The following CHD5 variants were observed in gnomAD, a reference collection of about 807,000 sequenced individuals.
The protein encoded by CHD5 is ATP-dependent chromatin remodeler CHD5.
CHD5 carries 69 observed loss-of-function variants against 230.3 expected under a neutral mutation model. The ratio of observed to expected loss-of-function variants is 0.30; its 90% confidence interval spans 0.25 to 0.37. CHD5 has a LOEUF of 0.37. CHD5 is among the 10% of genes least tolerant of loss of function. The pLI is 1.00. For missense variants in CHD5, 1,827 were observed against 2,622.8 expected, an observed-to-expected ratio of 0.70 and a Z score of 6.63; for synonymous variants, 1,064 against 1,065.9, an observed-to-expected ratio of 1.00 and a Z score of 0.03.
At position 6,128,987 on chromosome 1, in the gene CHD5, C is replaced by T; in HGVS notation, c.3470G>A (p.Arg1157His). 6.2e-7 allele frequency: 1 copy of T among 1,612,046 alleles called. No individual in the cohort carries two copies. The highest frequency in any genetic ancestry group is 8.5e-7 in the Non-Finnish European group (1 of 1,179,946). The change falls in exon 23 of 42, where the codon CGC (arginine) becomes CAC (histidine). Residue 1157 changes from arginine to histidine, a missense_variant. Arg to His is a conservative substitution (Grantham distance 29, BLOSUM62 0). Transcript: ENST00000262450. The surrounding 1 kb of genome is among the most constrained non-coding windows in gnomAD (Gnocchi z 7.8). ...CTTGCGCTTGGCCACCTGCGTGATG[C>T]GCTCCTCCACCGAGGCCCGAGTCAC... The part of the protein sequence containing the change: ...RFVTRASVEE[R>H]ITQVAKRKMM...
chr1:6,142,034 G>C lies in CHD5; in HGVS notation c.2436+94C>G, dbSNP rs1209753320. 8.6e-7 allele frequency: 1 copy of C among 1,157,278 alleles called. No homozygotes were observed. The highest frequency in any genetic ancestry group is 1.3e-6 in the Non-Finnish European group (1 of 782,956). The allele number at this position is 1,157,278 out of a possible 1,614,324, so 71.7% of individuals were successfully genotyped here. On this transcript the variant is annotated intron_variant, in intron 15 of 41. Coordinates refer to ENST00000262450, the MANE Select transcript of CHD5 (RefSeq NM_015557.3). This position sits in a 1 kb window ranked among gnomAD's most constrained non-coding sequence, Gnocchi z 5.2. ...CCTGCCGGCCTCGGTAGCCCTCCCA[G>C]GCTGAGGGACCCCAAAGGAGTGCAC...
intron 3 of CHD5, among the ~76,000 whole-genome samples, chr1:6,159,105 C>T (rs1363470773): frequency 4.1e-5 from 6 of 148,084 alleles, no homozygotes; most frequent in Non-Finnish European, 8.9e-5. Context: ...CGTGGTGGCA[C>T]GCACCTGTAG....
intron 9 of CHD5, among the ~76,000 whole-genome samples, chr1:6,147,997 C>T (rs927519534): frequency 1.3e-5 from 2 of 151,676 alleles, no homozygotes; most frequent in Non-Finnish European, 2.9e-5. Context: ...ACTCCTGCCC[C>T]CCTCCCATCC....
chr1:6,141,763 C>T (rs1230819930), intron 15 of CHD5, among the ~76,000 whole-genome samples: 2 of 152,138 alleles, frequency 1.3e-5, no homozygotes, highest in Non-Finnish European at 2.9e-5. Context: ...GAAACTGACG[C>T]GACAGCTGTA....
At chr1:6,175,864 C>A (rs1239043550) in intron 1 of CHD5, among the ~76,000 whole-genome samples, 1 of 150,492 alleles carries the variant, frequency 6.6e-6, no homozygotes, top group Non-Finnish European at 1.5e-5. Flanking sequence ...GAAGCATGGA[C>A]GAATAGTGCA....
intron 2 of CHD5, among the ~76,000 whole-genome samples, chr1:6,166,401 C>T (rs1667255391): frequency 6.6e-6 from 1 of 151,782 alleles, no homozygotes; most frequent in Non-Finnish European, 1.5e-5. Context: ...TGCAGAAGCC[C>T]CACAAGGCAG....
intron 1 of CHD5, among the ~76,000 whole-genome samples, chr1:6,179,164 G>A (rs1270039878): frequency 6.6e-6 from 1 of 152,236 alleles, no homozygotes; most frequent in African/African-American, 2.4e-5. Context: ...GGAGAGAGAT[G>A]GTAGGGGCAG....
At chr1:6,143,775 G>A (rs1395124822) in intron 13 of CHD5, 48 bp downstream of exon 13, 2 of 1,532,512 alleles carry the variant, frequency 1.3e-6, no homozygotes, top group East Asian at 2.2e-5. Flanking sequence ...TCTGAGGTGG[G>A]CAGGCCCTGG....
At position 6,179,930 on chromosome 1, in the gene CHD5, C is replaced by G. The variant is rs1334113661; in HGVS notation, c.79+15G>C. On this transcript the variant is annotated intron_variant, in intron 1 of 41. Coordinates refer to ENST00000262450, the MANE Select transcript of CHD5 (RefSeq NM_015557.3). ...CCCGCCGCTCTGGCCCCAGGCGCAC[C>G]CGCGCCCCGCTCACCTGACATCTCG... 2 of 1,298,466 alleles carry G rather than the reference C, an allele frequency of 1.5e-6. No individual in the cohort carries two copies. Among genetic ancestry groups the G allele is most frequent in the South Asian group, 2.8e-5 (2 of 71,182 alleles). The allele number at this position is 1,298,466 out of a possible 1,614,324, so 80.4% of individuals were successfully genotyped here. A position where few individuals can be genotyped will look rare whatever the true frequency, so the allele number is the denominator to read the frequency against.
chr1:6,151,250 C>T, intron 6 of CHD5, 95 bp from the exon 7 acceptor site: 1 of 1,379,292 alleles, frequency 7.3e-7, no homozygotes, highest in Non-Finnish European at 9.6e-7. Context: ...ACGGAAGAGG[C>T]TCTGGAGACA....
intron 2 of CHD5, 50 bp from the exon 3 acceptor site, chr1:6,159,565 A>C (rs1667134983): frequency 6.5e-7 from 1 of 1,540,396 alleles, no homozygotes; most frequent in South Asian, 1.2e-5. Flanking sequence ...AGGAACATCC[A>C]GAGTCCTGGG....
chr1:6,117,822 C>G (rs1030380813), intron 33 of CHD5, among the ~76,000 whole-genome samples: 2 of 152,152 alleles, frequency 1.3e-5, no homozygotes, highest in Non-Finnish European at 2.9e-5. Context: ...AACTGGAACC[C>G]TCACACATGC....
intron 2 of CHD5, among the ~76,000 whole-genome samples, chr1:6,163,937 G>A (rs1024851285): frequency 6.6e-6 from 1 of 152,204 alleles, no homozygotes; most frequent in East Asian, 1.9e-4. Context: ...AATCTTAGTG[G>A]ATGTGGAGTC....
At chr1:6,119,564 T>G (rs1165620858) in intron 33 of CHD5, among the ~76,000 whole-genome samples, 1 of 152,138 alleles carries the variant, frequency 6.6e-6, no homozygotes, top group Non-Finnish European at 1.5e-5. Context: ...AGAAAGAGAT[T>G]AATCCATAAT....
At chr1:6,113,415 C>T (rs1356779186) in intron 33 of CHD5, 4 of 347,170 alleles carry the variant, frequency 1.2e-5, no homozygotes, top group Non-Finnish European at 1.7e-5. Context: ...CAGAGCAAGA[C>T]GCTGTTTCAA....
rs773676884 is a variant in CHD5 at position 6,136,793 on chromosome 1, C to A, written c.2509G>T (p.Gly837Cys). 4 of 1,613,750 alleles carry A rather than the reference C, an allele frequency of 2.5e-6. No homozygotes were observed. Among genetic ancestry groups the A allele is most frequent in the Non-Finnish European group, 3.4e-6 (4 of 1,179,832 alleles). ...ELITIDQAIL[G>C]SIEWACLVVD... ...ACCAGGCAGGCCCACTCGATGGAGC[C>A]CAGGATGGCCTGGTCAATGGTGATG... The change falls in exon 16 of 42, where the codon GGC becomes TGC. Residue 837 changes from glycine (G) to cysteine (C), a missense_variant. By Grantham distance (159) the Gly-to-Cys change is radical. Coordinates refer to ENST00000262450, the MANE Select transcript of CHD5 (RefSeq NM_015557.3).
intron 31 of CHD5, among the ~76,000 whole-genome samples, chr1:6,123,055 G>GA (rs1429613190): frequency 6.8e-6 from 1 of 146,020 alleles, no homozygotes; most frequent in East Asian, 2.0e-4. Flanking sequence ...CAACAAGAGC[G>GA]AAACTCCATC....
intron 9 of CHD5, 48 bp downstream of exon 9, chr1:6,148,806 T>A: frequency 7.3e-7 from 1 of 1,364,372 alleles, no homozygotes; most frequent in Non-Finnish European, 9.6e-7. Context: ...CGGGGCCTGT[T>A]CCTGGGGTGG....
chr1:6,116,544 CA>C (rs1666381021), intron 33 of CHD5, among the ~76,000 whole-genome samples: 2 of 152,160 alleles, frequency 1.3e-5, no homozygotes, highest in African/African-American at 2.4e-5. Flanking sequence ...AGCAGTCTTT[CA>C]ATGTGAGAAA....
Sources: gnomAD v4.1 joint callset for allele counts (sites outside exome capture counted in the v4.1 genomes callset) on GRCh38, gnomAD v4.1.1 for gene constraint, Gnocchi (gnomAD v3.1) non-coding constraint, MANE v1.5 for transcripts, NCBI Gene and HGNC (gene_info 2026-07-23, HGNC 2026-07-21) for gene names.